Variants in ASB9 observed in about 807,000 individuals in gnomAD.
ASB9 encodes the protein ankyrin repeat and SOCS box protein 9.
ASB9 carries 5 observed loss-of-function variants against 16.6 expected under a neutral mutation model. That is an observed-to-expected ratio of 0.30 (90% CI 0.16 to 0.63). The LOEUF (loss-of-function observed/expected upper bound fraction) is 0.63, where lower values mean the gene tolerates loss of function less well. Ranked by LOEUF, ASB9 falls within the 30% of genes least tolerant of loss-of-function variation. ASB9 has a pLI of 0.82. For synonymous variants in ASB9, 100 were observed against 86.4 expected (o/e 1.16, Z -0.87); for missense variants, 216 against 229.4 (o/e 0.94, Z 0.38).
In ASB9 at chrX:15,265,170, G is replaced by A. The variant is rs372030007; in HGVS notation, c.94+4611C>T. Among the ~76,000 whole-genome samples the A allele has an allele frequency of 2.3e-4, 26 of 111,554 alleles. No individual in the cohort carries two copies. The South Asian group carries it at 9.5e-3, about 41-fold the overall frequency. ...GGTTTCAACCACAGCCCCTCTGTAG[G>A]ACATTCTGAGGTATCTGGCTTCTAA... On this transcript the variant is annotated intron_variant, in intron 1 of 6. Transcript: ENST00000380488.
chrX:15,265,512 T>C (rs1028566656), intron 1 of ASB9, among the ~76,000 whole-genome samples: 5 of 112,335 alleles, frequency 4.5e-5, no homozygotes, highest in African/African-American at 1.6e-4. Flanking sequence ...CATGGTTGGA[T>C]TAGTGCAGTA....
intron 1 of ASB9, among the ~76,000 whole-genome samples, chrX:15,264,672 G>C (rs781543317): frequency 9.0e-6 from 1 of 111,613 alleles, no homozygotes; most frequent in Non-Finnish European, 1.9e-5. Flanking sequence ...GAGTTTCTTG[G>C]CACAGCTATT....
intron 3 of ASB9, among the ~76,000 whole-genome samples, chrX:15,254,264 CA>C (rs1925361084): frequency 8.9e-6 from 1 of 112,346 alleles, no homozygotes; most frequent in African/African-American, 3.2e-5. Flanking sequence ...CAGAAGATAG[CA>C]AGCCCATAAT....
intron 1 of ASB9, among the ~76,000 whole-genome samples, chrX:15,266,453 C>T (rs1926399624): frequency 8.9e-6 from 1 of 112,046 alleles, no homozygotes; most frequent in Admixed American, 9.5e-5. Context: ...GAAGCCTGAC[C>T]TCCTCCACTT....
At chrX:15,269,690 TCACA>T (rs1183448683) in intron 1 of ASB9, 87 bp downstream of exon 1, 3 of 714,809 alleles carry the variant, frequency 4.2e-6, no homozygotes, top group African/African-American at 4.4e-5. Flanking sequence ...CATGGACACC[TCACA>T]CAGAGCCACT....
chrX:15,265,803 AT>A (rs776249903), intron 1 of ASB9, among the ~76,000 whole-genome samples: 1,948 of 96,784 alleles, frequency 0.02, 23 homozygotes, highest in South Asian at 0.079. Flanking sequence ...CACCCAGCTA[AT>A]TTTTTTTTTT....
At chrX:15,267,425 TA>T (rs1926568784) in intron 1 of ASB9, among the ~76,000 whole-genome samples, 4 of 87,575 alleles carry the variant, frequency 4.6e-5, no homozygotes, top group Admixed American at 1.3e-4. Flanking sequence ...AAAATATATA[TA>T]TATATATAAT....
chrX:15,260,114 T>G (rs1207307057), intron 1 of ASB9, among the ~76,000 whole-genome samples: 3 of 112,032 alleles, frequency 2.7e-5, no homozygotes, highest in Non-Finnish European at 3.8e-5. Context: ...AATAGCAAAT[T>G]TACACCAGGC....
chrX:15,246,129 A>T (rs1430301953), intron 6 of ASB9, among the ~76,000 whole-genome samples: 1 of 112,162 alleles, frequency 8.9e-6, no homozygotes, highest in African/African-American at 3.2e-5. Context: ...GTCAGAGGCA[A>T]CCGTAGGAGG....
At chrX:15,257,718 T>A (rs1925691203) in intron 2 of ASB9, among the ~76,000 whole-genome samples, 4 of 111,799 alleles carry the variant, frequency 3.6e-5, no homozygotes, top group Admixed American at 1.9e-4. Flanking sequence ...TCTTAGTTTT[T>A]AAAAAAAGAT....
intron 1 of ASB9, among the ~76,000 whole-genome samples, chrX:15,261,835 A>G (rs1378963589): frequency 8.9e-6 from 1 of 112,296 alleles, no homozygotes; most frequent in Admixed American, 9.5e-5. Context: ...AATGTGTACA[A>G]TTCAGCAGTT....
chrX:15,254,882 G>T lies in ASB9; in HGVS notation c.175-38C>A, dbSNP rs1472037071. 3 of 1,096,216 alleles carry T rather than the reference G, an allele frequency of 2.7e-6. No individual in the cohort carries two copies. In the Admixed American group the frequency reaches 6.6e-5, roughly 24 times the overall value. 90.3% of individuals were successfully genotyped at this position (1,096,216 alleles called of 1,213,427 possible). A position where few individuals can be genotyped will look rare whatever the true frequency, so the allele number is the denominator to read the frequency against. On this transcript the variant is annotated intron_variant, in intron 2 of 6. Coordinates refer to ENST00000380488, the MANE Select transcript of ASB9 (RefSeq NM_001031739.3). ...AAACAGTCAGAGTAAGGGGTGCAAA[G>T]CAACAGTGCCCTGGGGCTGCTTTTC... is the stretch of plus-strand genomic sequence containing the variant.
intron 6 of ASB9, among the ~76,000 whole-genome samples, chrX:15,245,639 C>T (rs1303808914): frequency 2.7e-5 from 3 of 111,655 alleles, no homozygotes; most frequent in African/African-American, 9.8e-5. Context: ...ACTACATGGA[C>T]GCTGAGTCCC....
intron 5 of ASB9, among the ~76,000 whole-genome samples, chrX:15,250,201 A>ATCT (rs1924986464): frequency 9.1e-6 from 1 of 109,410 alleles, no homozygotes; most frequent in South Asian, 4.0e-4. Context: ...CATCATCATC[A>ATCT]TCATCATCCT....
At chrX:15,244,850 G>A (rs1924529771) in intron 6 of ASB9, among the ~76,000 whole-genome samples, 1 of 111,145 alleles carries the variant, frequency 9.0e-6, no homozygotes, top group African/African-American at 3.3e-5. Flanking sequence ...TTTTAATTTA[G>A]AACAGAGTGA....
At chrX:15,252,022 C>CT (rs1014280334) in intron 4 of ASB9, among the ~76,000 whole-genome samples, 2 of 111,856 alleles carry the variant, frequency 1.8e-5, no homozygotes, top group African/African-American at 6.5e-5. Flanking sequence ...AGCTGGAGGG[C>CT]TTATTAAACA....
chrX:15,254,086 C>G (rs1448976862), intron 3 of ASB9, among the ~76,000 whole-genome samples: 2 of 111,862 alleles, frequency 1.8e-5, no homozygotes, highest in Non-Finnish European at 3.8e-5. Flanking sequence ...AGTGCACTCA[C>G]CTCTGGCTCT....
intron 1 of ASB9, among the ~76,000 whole-genome samples, chrX:15,260,151 C>T (rs925364765): frequency 3.6e-5 from 4 of 112,266 alleles, no homozygotes; most frequent in Non-Finnish European, 5.6e-5. Context: ...GCAATCCCAG[C>T]ACTTTGAGAG....
intron 5 of ASB9, among the ~76,000 whole-genome samples, chrX:15,249,442 C>T (rs1011814104): frequency 2.7e-5 from 3 of 112,046 alleles, no homozygotes; most frequent in African/African-American, 9.7e-5. Flanking sequence ...CTGGCCAATC[C>T]CAAGATCACA....
Sources: allele counts gnomAD v4.1 joint callset (sites outside exome capture counted in the v4.1 genomes callset), GRCh38; gene constraint gnomAD v4.1.1; transcripts MANE v1.5; gene names NCBI Gene and HGNC (gene_info 2026-07-23, HGNC 2026-07-21).